Variants in LRP1B observed in about 807,000 individuals in gnomAD.
LRP1B encodes LDL receptor related protein 1B, also known as low-density lipoprotein receptor-related protein 1B.
In LRP1B, 217 loss-of-function variants were observed where a neutral mutation model predicts 556.6. The ratio of observed to expected loss-of-function variants is 0.39; its 90% CI spans 0.35 to 0.44. The LOEUF (loss-of-function observed/expected upper bound fraction) is 0.44, where lower values mean the gene tolerates loss of function less well. Among genes scored for constraint, LRP1B ranks in the 20% least tolerant of loss-of-function variants. The pLI is 1.00. For missense variants in LRP1B, 5,053 were observed against 5,620.8 expected, an observed-to-expected ratio of 0.90 and a Z score of 3.23; for synonymous variants, 2,047 against 1,865.8, an observed-to-expected ratio of 1.10 and a Z score of -2.50.
intron 3 of LRP1B, among the ~76,000 whole-genome samples, chr2:141,368,726 C>T (rs1428095256): frequency 6.6e-6 from 1 of 152,072 alleles, no homozygotes. Context: ...TTAATTCAGA[C>T]CTACCAGCTC....
chr2:141,932,815 G>A (rs1056329171), intron 1 of LRP1B, among the ~76,000 whole-genome samples: 1 of 151,840 alleles, frequency 6.6e-6, no homozygotes, highest in African/African-American at 2.4e-5. Flanking sequence ...TAACAAGTAT[G>A]TATTATGTGG....
intron 3 of LRP1B, among the ~76,000 whole-genome samples, chr2:141,442,655 T>A (rs1020418424): frequency 6.6e-6 from 1 of 152,092 alleles, no homozygotes; most frequent in African/African-American, 2.4e-5. Context: ...GTTCAACTCC[T>A]ACTTATGAGT....
chr2:141,846,645 A>C (rs1191900275), intron 1 of LRP1B, among the ~76,000 whole-genome samples: 1 of 151,482 alleles, frequency 6.6e-6, no homozygotes, highest in Non-Finnish European at 1.5e-5. Flanking sequence ...TTTTAAAACC[A>C]ATATAGTGTG....
chr2:141,575,667 C>T (rs1192530811), intron 2 of LRP1B, among the ~76,000 whole-genome samples: 1 of 151,164 alleles, frequency 6.6e-6, no homozygotes, highest in Non-Finnish European at 1.5e-5. Flanking sequence ...AACAGACAAT[C>T]TACAGAATGA....
chr2:141,491,271 C>T (rs190070576), intron 2 of LRP1B, among the ~76,000 whole-genome samples: 40 of 151,982 alleles, frequency 2.6e-4, no homozygotes, highest in African/African-American at 9.7e-4. Context: ...TTTAGAAATC[C>T]TATTGAGTCC....
chr2:140,282,323 ATTAGATGGTGTTACCCTC>A (rs1355265063), intron 84 of LRP1B, among the ~76,000 whole-genome samples: 1 of 151,852 alleles, frequency 6.6e-6, no homozygotes, highest in Non-Finnish European at 1.5e-5. Context: ...AGTCAGAGGC[ATTAGATGGTGTTACCCTC>A]TTTTTATAGA....
At chr2:140,648,939 T>G (rs1025158996) in intron 41 of LRP1B, among the ~76,000 whole-genome samples, 3 of 152,146 alleles carry the variant, frequency 2.0e-5, no homozygotes, top group Admixed American at 1.3e-4. Flanking sequence ...ATGTAGATTA[T>G]GATTAATGGC....
At chr2:141,522,111 G>A (rs1417236960) in intron 2 of LRP1B, among the ~76,000 whole-genome samples, 1 of 152,066 alleles carries the variant, frequency 6.6e-6, no homozygotes, top group Non-Finnish European at 1.5e-5. Flanking sequence ...AGCAGCAGTA[G>A]CATCACCTAG....
At chr2:140,698,718 TG>T (rs1295560846) in intron 41 of LRP1B, among the ~76,000 whole-genome samples, 1 of 152,028 alleles carries the variant, frequency 6.6e-6, no homozygotes, top group East Asian at 1.9e-4. Flanking sequence ...TGACAAGTGG[TG>T]GTTACTTAAA....
At chr2:141,397,240 T>C (rs1690275073) in intron 3 of LRP1B, among the ~76,000 whole-genome samples, 2 of 151,538 alleles carry the variant, frequency 1.3e-5, no homozygotes, top group Non-Finnish European at 2.9e-5. Context: ...AATTCTACAG[T>C]AGGTATAATA....
intron 18 of LRP1B, among the ~76,000 whole-genome samples, chr2:140,970,767 G>A (rs1696395773): frequency 9.3e-6 from 1 of 107,892 alleles, no homozygotes; most frequent in Non-Finnish European, 1.8e-5. Flanking sequence ...TTGAGAGAGG[G>A]TCTTGCTCTG....
Position 141,247,244 on chromosome 2 carries a change from A to G in LRP1B, c.574T>C (p.Ser192Pro), listed in dbSNP as rs748674447. ...AACTTACCAATTTTAGCCTTGCAAG[A>G]TCTGTTGTCTGGCTGCATTAGGTAG... ...EGYLMQPDNR[S>P]CKAKIEPTDR... The change falls in exon 5 of 91, where the codon TCT becomes CCT. Residue 192 changes from serine to proline, a missense_variant. Physicochemically the swap from Ser to Pro is moderately conservative, Grantham distance 74. This residue lies in a region of LRP1B where 3,619 missense variants were observed against 3,931.9 expected (regional missense o/e 0.92). Coordinates refer to ENST00000389484, the MANE Select transcript of LRP1B (RefSeq NM_018557.3). 1.2e-6 allele frequency: 2 copies of G among 1,613,764 alleles called. No homozygotes were observed. The highest frequency in any genetic ancestry group is 1.7e-6 in the Non-Finnish European group (2 of 1,179,764).
At chr2:140,616,453 G>C (rs191220974) in intron 41 of LRP1B, among the ~76,000 whole-genome samples, 5 of 149,056 alleles carry the variant, frequency 3.4e-5, no homozygotes, top group African/African-American at 9.8e-5. Context: ...AATTAATTTT[G>C]GAATAAAATA....
At chr2:140,437,077 C>G (rs534576201) in intron 66 of LRP1B, among the ~76,000 whole-genome samples, 7 of 152,110 alleles carry the variant, frequency 4.6e-5, no homozygotes, top group Admixed American at 3.3e-4. Flanking sequence ...TCAACAGCAA[C>G]GTAAGATTAA....
intron 2 of LRP1B, among the ~76,000 whole-genome samples, chr2:141,768,906 ATATATATG>A (rs1475854556): frequency 6.6e-6 from 1 of 151,858 alleles, no homozygotes; most frequent in Non-Finnish European, 1.5e-5. Flanking sequence ...TGGTCATTTA[ATATATATG>A]TATATATGTA....
chr2:141,371,437 T>G (rs556908018), intron 3 of LRP1B, among the ~76,000 whole-genome samples: 12 of 152,292 alleles, frequency 7.9e-5, no homozygotes, highest in Non-Finnish European at 1.0e-4. Flanking sequence ...TGATAAAGAT[T>G]ACATTGAACC....
Position 140,233,251 on chromosome 2 carries a change from C to T in LRP1B, c.13735G>A (p.Val4579Ile), listed in dbSNP as rs772606898. ...GQNCRNSLGS[V>I]DERKELLPKK... ...GGAAGCAGTTCTTTCCTTTCATCAA[C>T]ACTTCCTAAGGAGTTTCGACAGTTT... The change falls in exon 91 of 91, where the codon GTT (valine) becomes ATT (isoleucine). Residue 4579 changes from valine to isoleucine, a missense_variant. Val to Ile is a conservative substitution (Grantham distance 29). Transcript: ENST00000389484. The T allele has an allele frequency of 1.2e-6, 2 of 1,605,554 alleles. No homozygotes were observed. The highest frequency in any genetic ancestry group is 1.7e-6 in the Non-Finnish European group (2 of 1,174,226).
At chr2:141,712,407 A>C (rs1332068915) in intron 2 of LRP1B, among the ~76,000 whole-genome samples, 1 of 152,074 alleles carries the variant, frequency 6.6e-6, no homozygotes, top group Non-Finnish European at 1.5e-5. Context: ...CCACAGACCT[A>C]GTTATTAATT....
Position 140,378,224 on chromosome 2 carries a change from A to T in LRP1B, c.10594T>A (p.Phe3532Ile), listed in dbSNP as rs1265637914. 1 of 1,613,724 alleles carries T rather than the reference A, an allele frequency of 6.2e-7. No homozygotes were observed. Among genetic ancestry groups the T allele is most frequent in the African/African-American group, 1.3e-5 (1 of 74,908 alleles). ...CANGDCVSSRFWCDGDFDCAD... is the reference protein window; with the variant it reads ...CANGDCVSSRIWCDGDFDCAD... ...CAGTCAAAATCTCCATCACACCAAAACCTTGAAGAAACACAGTCCCCATTG... is the reference window on the plus strand; with the variant it reads ...CAGTCAAAATCTCCATCACACCAAATCCTTGAAGAAACACAGTCCCCATTG... Residue 3532 changes from phenylalanine to isoleucine, a missense_variant, in exon 68 of 91, where the codon TTT becomes ATT. Physicochemically the swap from Phe to Ile is conservative, Grantham distance 21. Coordinates refer to ENST00000389484, the MANE Select transcript of LRP1B (RefSeq NM_018557.3).
Sources: gnomAD v4.1 joint callset for allele counts (sites outside exome capture counted in the v4.1 genomes callset) on GRCh38, gnomAD v4.1.1 for gene constraint, gnomAD v4.1.1 regional missense constraint, MANE v1.5 for transcripts, NCBI Gene and HGNC (gene_info 2026-07-23, HGNC 2026-07-21) for gene names.